TULP4: variants seen among roughly 807,000 people sequenced by gnomAD.
TULP4 encodes TUB like protein 4.
TULP4 carries 16 observed loss-of-function variants against 129.0 expected under a neutral mutation model. The observed-to-expected ratio is 0.12, with a 90% CI of 0.08 to 0.19. The LOEUF (loss-of-function observed/expected upper bound fraction) is 0.19, where lower values mean the gene tolerates loss of function less well. TULP4 is among the 10% of genes least tolerant of loss of function. The pLI, the probability that TULP4 is intolerant of heterozygous loss-of-function variation, is 1.00. For synonymous variants in TULP4, 998 were observed against 854.0 expected (o/e 1.17, Z -2.94); for missense variants, 1,842 against 2,059.1 (o/e 0.89, Z 2.04).
rs1779109211 is a variant in TULP4, at chr6:158,448,990, T to C, written c.544-6T>C. On this transcript the variant is annotated splice_region_variant and splice_polypyrimidine_tract_variant and intron_variant, in intron 3 of 13. Coordinates refer to ENST00000367097, the MANE Select transcript of TULP4 (RefSeq NM_020245.5). Reference sequence around the variant, plus strand: ...CTTGGTCAGAGGTCCCCATCCTGGATTGCAGGTGCTGTTTGGCACGGCCGA... The same window carrying C: ...CTTGGTCAGAGGTCCCCATCCTGGACTGCAGGTGCTGTTTGGCACGGCCGA... The C allele has an allele frequency of 1.2e-6, 2 of 1,603,444 alleles. No homozygotes were observed. The highest frequency in any genetic ancestry group is 2.7e-5 in the African/African-American group (2 of 74,930).
At position 158,365,257 on chromosome 6, in the gene TULP4, T is replaced by C. The variant is rs181410559; in HGVS notation, c.253-47808T>C. Among the ~76,000 whole-genome samples the C allele has an allele frequency of 2.8e-4, 42 of 152,186 alleles. 1 individual carries two copies. The East Asian group carries it at 5.2e-3, about 19-fold the overall frequency. On this transcript the variant is annotated intron_variant, in intron 1 of 13. Transcript: ENST00000367097. ...AGAGAGAAGTGTTTTATCTCTATTC[T>C]ATACACAGAGTGAATTTAATTTACT...
chr6:158,237,727 C>A (rs113731832), intron 1 of TULP4: 4 of 912,166 alleles, frequency 4.4e-6, no homozygotes, highest in Non-Finnish European at 7.4e-6. Flanking sequence ...TTGACTATCT[C>A]TAGTAACTTT....
At chr6:158,334,675 C>G (rs1407218356) in intron 1 of TULP4, among the ~76,000 whole-genome samples, 11 of 152,296 alleles carry the variant, frequency 7.2e-5, no homozygotes, top group Admixed American at 7.2e-4. Flanking sequence ...CCTCTACTCC[C>G]CTTTCAGTGT....
chr6:158,292,667 C>T (rs1000001719), intron 1 of TULP4, among the ~76,000 whole-genome samples: 4 of 152,128 alleles, frequency 2.6e-5, no homozygotes, highest in East Asian at 1.9e-4. Flanking sequence ...TCTTTATCAA[C>T]GTTTATTCAA....
intron 1 of TULP4, among the ~76,000 whole-genome samples, chr6:158,259,726 T>C (rs1778315480): frequency 1.3e-5 from 2 of 152,256 alleles, no homozygotes; most frequent in African/African-American, 2.4e-5. Flanking sequence ...GTCTTCATGC[T>C]ACCTGGACTT....
intron 6 of TULP4, among the ~76,000 whole-genome samples, chr6:158,473,265 C>T (rs1779731966): frequency 6.6e-6 from 1 of 152,194 alleles, no homozygotes; most frequent in South Asian, 2.1e-4. Context: ...GCCTGTTCTG[C>T]TGAAGTTGCC....
intron 1 of TULP4, among the ~76,000 whole-genome samples, chr6:158,314,927 T>A (rs1056852183): frequency 5.9e-5 from 9 of 152,216 alleles, no homozygotes; most frequent in Admixed American, 2.0e-4. Flanking sequence ...GCAACCAACA[T>A]TTATTGAGCA....
intron 1 of TULP4, among the ~76,000 whole-genome samples, chr6:158,358,566 AG>A (rs1344852330): frequency 2.0e-5 from 3 of 152,314 alleles, no homozygotes; most frequent in East Asian, 3.9e-4. Context: ...TGAATTTGTT[AG>A]TTCTTGCAGT....
At chr6:158,288,722 G>A (rs1046694426) in intron 1 of TULP4, among the ~76,000 whole-genome samples, 1 of 152,130 alleles carries the variant, frequency 6.6e-6, no homozygotes, top group African/African-American at 2.4e-5. Context: ...GGATGGTCTC[G>A]ATCTCCTGAC....
At chr6:158,338,040 A>G (rs986895515) in intron 1 of TULP4, among the ~76,000 whole-genome samples, 22 of 152,322 alleles carry the variant, frequency 1.4e-4, no homozygotes, top group Middle Eastern at 6.8e-3. Context: ...ATTGAAGGGT[A>G]GGTACAATTT....
chr6:158,455,479 G>A (rs1370472306), intron 5 of TULP4, among the ~76,000 whole-genome samples: 1 of 151,850 alleles, frequency 6.6e-6, no homozygotes, highest in Non-Finnish European at 1.5e-5. Flanking sequence ...GCTCACGCCT[G>A]TAATCCCAGC....
intron 1 of TULP4, among the ~76,000 whole-genome samples, chr6:158,320,738 A>AT (rs1019006098): frequency 6.6e-6 from 1 of 152,050 alleles, no homozygotes; most frequent in Non-Finnish European, 1.5e-5. Flanking sequence ...GGCTAACAGG[A>AT]TTTTTTTGAC....
chr6:158,237,887 C>T (rs1777748860), intron 1 of TULP4: 2 of 740,988 alleles, frequency 2.7e-6, no homozygotes, highest in South Asian at 1.4e-5. Context: ...ATAAACTGTG[C>T]CAGGGTATGA....
At chr6:158,356,365 C>T (rs893307713) in intron 1 of TULP4, among the ~76,000 whole-genome samples, 1 of 152,080 alleles carries the variant, frequency 6.6e-6, no homozygotes, top group African/African-American at 2.4e-5. Flanking sequence ...TGACATGAAT[C>T]CAGGGAAGAG....
chr6:158,264,100 A>C (rs1289905375), intron 1 of TULP4, among the ~76,000 whole-genome samples: 4 of 152,158 alleles, frequency 2.6e-5, no homozygotes, highest in Non-Finnish European at 5.9e-5. Context: ...AGAATAAAGA[A>C]AAAACTTAAC....
chr6:158,391,177 T>C lies in TULP4; in HGVS notation c.253-21888T>C, dbSNP rs186802433. 5.1e-4 allele frequency among the ~76,000 whole-genome samples: 77 copies of C among 152,342 alleles called. 1 individual carries two copies. Among genetic ancestry groups the C allele is most frequent in the African/African-American group, 1.8e-3 (73 of 41,572 alleles). ...TAATGTCATAAGGATTTCTTTCTTA[T>C]ACAGTGTAGTGTTTGGGGGGCAGGT... On this transcript the variant is annotated intron_variant, in intron 1 of 13. Coordinates refer to ENST00000367097, the MANE Select transcript of TULP4 (RefSeq NM_020245.5).
At chr6:158,349,543 C>T (rs1438934424) in intron 1 of TULP4, among the ~76,000 whole-genome samples, 1 of 144,760 alleles carries the variant, frequency 6.9e-6, no homozygotes, top group African/African-American at 2.5e-5. Context: ...AGGCGCTCCT[C>T]ACATCCCAGA....
At chr6:158,485,224 T>C (rs1465516761) in intron 8 of TULP4, among the ~76,000 whole-genome samples, 1 of 152,226 alleles carries the variant, frequency 6.6e-6, no homozygotes, top group Admixed American at 6.5e-5. Flanking sequence ...AGGAGCAGTT[T>C]GGTTCCTCCT....
intron 1 of TULP4, among the ~76,000 whole-genome samples, chr6:158,352,872 A>G (rs1241765888): frequency 6.6e-6 from 1 of 152,264 alleles, no homozygotes; most frequent in Non-Finnish European, 1.5e-5. Context: ...ATAGTTAAAT[A>G]CATACATCTA....
Sources: allele counts gnomAD v4.1 joint callset (sites outside exome capture counted in the v4.1 genomes callset), GRCh38; gene constraint gnomAD v4.1.1; transcripts MANE v1.5; gene names NCBI Gene and HGNC (gene_info 2026-07-23, HGNC 2026-07-21).